The following POLR3B variants were observed in gnomAD, a reference collection of about 807,000 sequenced individuals.
POLR3B encodes RNA polymerase III subunit B.
A neutral mutation model predicts 147.4 loss-of-function variants in POLR3B; 96 were observed. The ratio of observed to expected loss-of-function variants is 0.65; its 90% confidence interval spans 0.55 to 0.77. The LOEUF is 0.77. POLR3B is among the 30% of genes least tolerant of loss of function. POLR3B has a pLI of 0.00. For synonymous variants in POLR3B, 461 were observed against 485.9 expected, an observed-to-expected ratio of 0.95 and a Z score of 0.67; for missense variants, 1,036 against 1,413.5, an observed-to-expected ratio of 0.73 and a Z score of 4.28.
At chr12:106,369,709 C>T (rs2036579028) in intron 6 of POLR3B, 26 bp downstream of exon 6, 3 of 1,368,276 alleles carry the variant, frequency 2.2e-6, no homozygotes, top group Non-Finnish European at 3.1e-6. Flanking sequence ...CGTATTAGAG[C>T]CACACTGCCT....
chr12:106,484,943 G>C (rs564288259), intron 23 of POLR3B, among the ~76,000 whole-genome samples: 1 of 152,198 alleles, frequency 6.6e-6, no homozygotes, highest in African/African-American at 2.4e-5. Context: ...AGTGACAGAA[G>C]GATGATGGGG....
At chr12:106,402,950 T>C (rs1385378543) in intron 10 of POLR3B, among the ~76,000 whole-genome samples, 1 of 152,062 alleles carries the variant, frequency 6.6e-6, no homozygotes, top group Non-Finnish European at 1.5e-5. Context: ...ACAGCCAAAA[T>C]TGACAAATGG....
chr12:106,492,810 G>C (rs1055854907), intron 23 of POLR3B, among the ~76,000 whole-genome samples: 29 of 152,290 alleles, frequency 1.9e-4, no homozygotes, highest in Middle Eastern at 6.8e-3. Flanking sequence ...AAGATGGATG[G>C]TGATGGAATA....
intron 12 of POLR3B, among the ~76,000 whole-genome samples, chr12:106,415,704 T>C (rs916723076): frequency 1.3e-5 from 2 of 152,124 alleles, no homozygotes; most frequent in African/African-American, 2.4e-5. Context: ...TTTTTAAAAG[T>C]GTTATGATTT....
intron 27 of POLR3B, among the ~76,000 whole-genome samples, chr12:106,505,555 G>A (rs2038673580): frequency 6.6e-6 from 1 of 152,018 alleles, no homozygotes; most frequent in Admixed American, 6.6e-5. Context: ...GGATTTATAG[G>A]CATGAGCTAC....
At chr12:106,502,537 C>T (rs984526327) in intron 26 of POLR3B, among the ~76,000 whole-genome samples, 1 of 152,160 alleles carries the variant, frequency 6.6e-6, no homozygotes, top group Non-Finnish European at 1.5e-5. Context: ...CCAGTTCCCT[C>T]CCCACTTTCA....
chr12:106,384,474 A>G (rs960609627), intron 9 of POLR3B, among the ~76,000 whole-genome samples: 11 of 152,240 alleles, frequency 7.2e-5, no homozygotes, highest in African/African-American at 2.7e-4. Flanking sequence ...ATTCACAGAT[A>G]TGCACTGACA....
At chr12:106,359,875 TC>T (rs1278360651) in intron 1 of POLR3B, among the ~76,000 whole-genome samples, 1 of 152,196 alleles carries the variant, frequency 6.6e-6, no homozygotes, top group Non-Finnish European at 1.5e-5. Context: ...CGAGTCTTCA[TC>T]CCTAACTGCT....
intron 11 of POLR3B, among the ~76,000 whole-genome samples, chr12:106,408,938 G>T (rs897882399): frequency 2.0e-5 from 3 of 152,118 alleles, no homozygotes; most frequent in Non-Finnish European, 4.4e-5. Context: ...ATCCCAAGGG[G>T]GTGATGGACT....
chr12:106,405,581 A>AC (rs2037140714), intron 10 of POLR3B, among the ~76,000 whole-genome samples: 2 of 78,626 alleles, frequency 2.5e-5, no homozygotes, highest in South Asian at 5.3e-4. Context: ...CACACACACA[A>AC]ATATATTTTA....
chr12:106,358,515 T>G (rs1332048785), intron 1 of POLR3B, among the ~76,000 whole-genome samples: 1 of 152,196 alleles, frequency 6.6e-6, no homozygotes. Flanking sequence ...TCTCGGAAGT[T>G]AAGGACAGCT....
chr12:106,461,694 A>G (rs768816920), intron 22 of POLR3B, among the ~76,000 whole-genome samples: 1 of 152,166 alleles, frequency 6.6e-6, no homozygotes, highest in African/African-American at 2.4e-5. Context: ...TGAATTTCAT[A>G]TGACCCTTCT....
At chr12:106,406,291 C>G (rs1270645177) in intron 11 of POLR3B, among the ~76,000 whole-genome samples, 2 of 152,046 alleles carry the variant, frequency 1.3e-5, no homozygotes, top group South Asian at 2.1e-4. Flanking sequence ...GAGATGGTGT[C>G]TTACATGTTT....
At chr12:106,402,844 A>G in intron 10 of POLR3B, among the ~76,000 whole-genome samples, 1 of 152,194 alleles carries the variant, frequency 6.6e-6, no homozygotes, top group East Asian at 1.9e-4. Flanking sequence ...TAGACCTAAA[A>G]CCATAAAAAC....
chr12:106,479,004 A>C (rs551217522), intron 23 of POLR3B, among the ~76,000 whole-genome samples: 4 of 151,530 alleles, frequency 2.6e-5, no homozygotes, highest in South Asian at 2.1e-4. Context: ...CTCCTACTTT[A>C]TTCCTTTCTC....
At chr12:106,456,439 T>G (rs1423837042) in intron 20 of POLR3B, among the ~76,000 whole-genome samples, 1 of 152,208 alleles carries the variant, frequency 6.6e-6, no homozygotes, top group African/African-American at 2.4e-5. Context: ...AAAAATGTAA[T>G]TAAACTCCAA....
intron 18 of POLR3B, among the ~76,000 whole-genome samples, chr12:106,438,501 G>GTT (rs1186814322): frequency 7.0e-6 from 1 of 143,136 alleles, no homozygotes; most frequent in Non-Finnish European, 1.5e-5. Context: ...CCATATATAT[G>GTT]TTTTTTTTTT....
chr12:106,398,577 AC>A (rs1344812909), intron 10 of POLR3B, among the ~76,000 whole-genome samples: 12 of 151,924 alleles, frequency 7.9e-5, no homozygotes, highest in Non-Finnish European at 1.3e-4. Context: ...ACTGGGAGGC[AC>A]CCCCCAGTAG....
rs758685804 is a variant in POLR3B, at chr12:106,463,585, T to C, written c.2678T>C (p.Ile893Thr). 2 of 1,613,784 alleles carry C rather than the reference T, an allele frequency of 1.2e-6. No homozygotes were observed. Among genetic ancestry groups the C allele is most frequent in the Non-Finnish European group, 1.7e-6 (2 of 1,179,752 alleles). ...CTGAGACAGACAAGGCGTCCAGAAA[T>C]TGGAGACAAATTCAGCAGTCGTCAT... is the stretch of plus-strand genomic sequence containing the variant. ...MLLRQTRRPE[I>T]GDKFSSRHGQ... is the part of the protein sequence containing the mutation. Residue 893 changes from isoleucine (I) to threonine (T), a missense_variant, in exon 23 of 28, where the codon ATT becomes ACT. Physicochemically the swap from Ile to Thr is moderately conservative, Grantham distance 89. This residue lies in a region of POLR3B where 202 missense variants were observed against 272.8 expected (regional missense o/e 0.74). Coordinates refer to ENST00000228347, the MANE Select transcript of POLR3B (RefSeq NM_018082.6).
Sources: gnomAD v4.1 joint callset for allele counts (sites outside exome capture counted in the v4.1 genomes callset) on GRCh38, gnomAD v4.1.1 for gene constraint, gnomAD v4.1.1 regional missense constraint, MANE v1.5 for transcripts, NCBI Gene and HGNC (gene_info 2026-07-23, HGNC 2026-07-21) for gene names.